The following FAT3 variants were observed in gnomAD, a reference collection of about 807,000 sequenced individuals.
FAT3 encodes FAT atypical cadherin 3, also known as protocadherin Fat 3.
A neutral mutation model predicts 310.2 loss-of-function variants in FAT3; 95 were observed. The ratio of observed to expected loss-of-function variants is 0.31; its 90% CI spans 0.26 to 0.36. The LOEUF (loss-of-function observed/expected upper bound fraction) is 0.36. Among genes scored for constraint, FAT3 ranks in the 10% least tolerant of loss-of-function variants. The probability of loss-of-function intolerance (pLI) is 1.00; values close to 1 mark genes in which losing one functional copy is unlikely to be tolerated. For synonymous variants in FAT3, 2,314 were observed against 2,192.9 expected (o/e 1.06, Z -1.54); for missense variants, 5,408 against 5,715.6 (o/e 0.95, Z 1.74).
chr11:92,355,294 G>A lies in FAT3; in HGVS notation c.3182G>A (p.Ser1061Asn). ...SVKENSRIGT[S>N]VLQVTARDED... ...AAGGAAAACTCACGCATTGGAACAAGCGTGCTGCAGGTGACTGCTCGAGAT... is the reference window on the plus strand; with the variant it reads ...AAGGAAAACTCACGCATTGGAACAAACGTGCTGCAGGTGACTGCTCGAGAT... Residue 1061 changes from serine to asparagine, a missense_variant, in exon 2 of 28, where the codon AGC (serine) becomes AAC (asparagine). By Grantham distance (46) the Ser-to-Asn change is conservative. Coordinates refer to ENST00000525166, the MANE Select transcript of FAT3 (RefSeq NM_001367949.2). The A allele has an allele frequency of 6.2e-7, 1 of 1,613,828 alleles. No homozygotes were observed. The highest frequency in any genetic ancestry group is 8.5e-7 in the Non-Finnish European group (1 of 1,179,852).
chr11:92,292,886 G>A (rs555475053), intron 1 of FAT3, among the ~76,000 whole-genome samples: 7 of 152,052 alleles, frequency 4.6e-5, no homozygotes, highest in African/African-American at 1.2e-4. Context: ...GCTGGTTCTC[G>A]CTTGTAGTCA....
At chr11:92,436,565 T>TC (rs1950944940) in intron 2 of FAT3, among the ~76,000 whole-genome samples, 1 of 152,188 alleles carries the variant, frequency 6.6e-6, no homozygotes, top group South Asian at 2.1e-4. Context: ...ACCTAGCTCT[T>TC]CCACTGGTCC....
At chr11:92,490,558 C>T (rs1455749387) in intron 2 of FAT3, among the ~76,000 whole-genome samples, 1 of 151,906 alleles carries the variant, frequency 6.6e-6, no homozygotes, top group African/African-American at 2.4e-5. Flanking sequence ...TTTTGTTTGT[C>T]TGCTTGTTTT....
At chr11:92,227,752 C>CT (rs151286236) in intron 1 of FAT3, among the ~76,000 whole-genome samples, 27,258 of 140,416 alleles carry the variant, frequency 0.19, 2,989 homozygotes, top group Admixed American at 0.35. Context: ...CTTTCTTCTT[C>CT]TTTTTTTTTT....
chr11:92,800,079 T>G lies in FAT3; in HGVS notation c.7066T>G (p.Leu2356Val). Residue 2356 changes from leucine to valine, a missense_variant, in exon 10 of 28, where the codon TTA (leucine) becomes GTA (valine). Leu to Val is a conservative substitution (Grantham distance 32). This residue lies in a region of FAT3 where 4,588 missense variants were observed against 4,809.8 expected (regional missense o/e 0.95). Coordinates refer to ENST00000525166, the MANE Select transcript of FAT3 (RefSeq NM_001367949.2). ...GACAGCACGAATGCTGGACCATGAG[T>G]TAGTACAACACTGCACTTTGAAAGT... ...ILTARMLDHE[L>V]VQHCTLKVRS... 6.2e-7 allele frequency: 1 copy of G among 1,613,946 alleles called. No individual in the cohort carries two copies. Among genetic ancestry groups the G allele is most frequent in the Middle Eastern group, 1.6e-4 (1 of 6,062 alleles).
intron 2 of FAT3, among the ~76,000 whole-genome samples, chr11:92,356,905 T>C (rs2070970761): frequency 6.6e-6 from 1 of 152,148 alleles, no homozygotes; most frequent in South Asian, 2.1e-4. Context: ...ACATGTACCA[T>C]CTCAAGTTTA....
intron 3 of FAT3, among the ~76,000 whole-genome samples, chr11:92,568,125 G>A (rs1363488034): frequency 1.3e-5 from 2 of 152,012 alleles, no homozygotes; most frequent in African/African-American, 4.8e-5. Flanking sequence ...AGTATTCTAG[G>A]CACTGAGAAT....
At chr11:92,258,032 A>G (rs1475328057) in intron 1 of FAT3, among the ~76,000 whole-genome samples, 1 of 152,114 alleles carries the variant, frequency 6.6e-6, no homozygotes, top group Admixed American at 6.6e-5. Flanking sequence ...GTATATCCCA[A>G]TACATGTTCT....
chr11:92,866,830 C>A lies in FAT3; in HGVS notation c.11748C>A (p.Ser3916Arg). 1 of 1,613,956 alleles carries A rather than the reference C, an allele frequency of 6.2e-7. No individual in the cohort carries two copies. The highest frequency in any genetic ancestry group is 8.5e-7 in the Non-Finnish European group (1 of 1,179,878). Residue 3916 changes from serine (S) to arginine (R), a missense_variant, in exon 22 of 28, where the codon AGC (serine) becomes AGA (arginine). Ser to Arg is a moderately radical substitution (Grantham distance 110). Transcript: ENST00000525166. ...CGGGCCGTGCTGTCAACGACGGGAG[C>A]TGGCACTCGGTCTTCCTGGAGCTCA... ...GISGRAVNDGSWHSVFLELNR... is the reference protein window; with the variant it reads ...GISGRAVNDGRWHSVFLELNR...
chr11:92,753,796 G>A (rs147063742), intron 4 of FAT3, among the ~76,000 whole-genome samples: 1,215 of 102,598 alleles, frequency 0.012, 76 homozygotes, highest in African/African-American at 0.059. Flanking sequence ...GTGTGTGTGT[G>A]TGTATATATA....
chr11:92,677,661 T>C (rs1191753975), intron 3 of FAT3, among the ~76,000 whole-genome samples: 4 of 152,126 alleles, frequency 2.6e-5, no homozygotes, highest in Non-Finnish European at 5.9e-5. Flanking sequence ...TCTCATCCCA[T>C]GGAAGAAAGC....
intron 2 of FAT3, among the ~76,000 whole-genome samples, chr11:92,374,283 T>C (rs1340361079): frequency 6.6e-6 from 1 of 152,246 alleles, no homozygotes; most frequent in African/African-American, 2.4e-5. Flanking sequence ...TTGTATATTC[T>C]AGTGGGGATG....
At chr11:92,462,378 T>G (rs1364640800) in intron 2 of FAT3, among the ~76,000 whole-genome samples, 1 of 152,170 alleles carries the variant, frequency 6.6e-6, no homozygotes, top group Non-Finnish European at 1.5e-5. Context: ...TGTGTCCATG[T>G]GTACTCGCTG....
intron 25 of FAT3, among the ~76,000 whole-genome samples, chr11:92,888,603 T>A (rs1219477173): frequency 1.3e-5 from 2 of 152,192 alleles, no homozygotes; most frequent in African/African-American, 4.8e-5. Flanking sequence ...ACCACAGATA[T>A]CTCCTTCTCT....
At chr11:92,361,132 A>G (rs1293697931) in intron 2 of FAT3, among the ~76,000 whole-genome samples, 1 of 152,186 alleles carries the variant, frequency 6.6e-6, no homozygotes, top group Non-Finnish European at 1.5e-5. Flanking sequence ...TCTGATCCAC[A>G]TGTCTTTTCA....
At chr11:92,348,458 G>T (rs752647053) in intron 1 of FAT3, among the ~76,000 whole-genome samples, 1 of 152,162 alleles carries the variant, frequency 6.6e-6, no homozygotes, top group Non-Finnish European at 1.5e-5. Context: ...TGCCTTGAAA[G>T]ATTCACAGAA....
At chr11:92,718,059 T>C (rs767894883) in intron 4 of FAT3, among the ~76,000 whole-genome samples, 11 of 152,098 alleles carry the variant, frequency 7.2e-5, no homozygotes, top group Non-Finnish European at 1.2e-4. Context: ...GACCAGTAGC[T>C]TATAGTAGAA....
chr11:92,612,775 G>T (rs554808496), intron 3 of FAT3, among the ~76,000 whole-genome samples: 1 of 152,204 alleles, frequency 6.6e-6, no homozygotes, highest in Non-Finnish European at 1.5e-5. Flanking sequence ...GGAATCAGGA[G>T]AAGCTTCCTG....
intron 1 of FAT3, among the ~76,000 whole-genome samples, chr11:92,271,906 C>A (rs1315732627): frequency 2.0e-5 from 3 of 152,110 alleles, no homozygotes; most frequent in African/African-American, 7.2e-5. Context: ...CATTTTTTAA[C>A]CAGTATGTGA....
Sources: gnomAD v4.1 joint callset for allele counts (sites outside exome capture counted in the v4.1 genomes callset) on GRCh38, gnomAD v4.1.1 for gene constraint, gnomAD v4.1.1 regional missense constraint, MANE v1.5 for transcripts, NCBI Gene and HGNC (gene_info 2026-07-23, HGNC 2026-07-21) for gene names.